ATP11A: variants seen among roughly 807,000 people sequenced by gnomAD.
The protein encoded by ATP11A is ATPase phospholipid transporting 11A, also known as phospholipid-transporting ATPase IH.
In ATP11A, 81 loss-of-function variants were observed where a neutral mutation model predicts 154.4. The observed-to-expected ratio is 0.52, with a 90% CI of 0.44 to 0.63. The LOEUF (loss-of-function observed/expected upper bound fraction) is 0.63, where lower values mean the gene tolerates loss of function less well. ATP11A is among the 30% of genes least tolerant of loss of function. ATP11A has a pLI of 0.00. For missense variants in ATP11A, 1,316 were observed against 1,474.3 expected (o/e 0.89, Z 1.76); for synonymous variants, 623 against 585.9 (o/e 1.06, Z -0.91).
intron 1 of ATP11A, among the ~76,000 whole-genome samples, chr13:112,701,187 C>T (rs930650433): frequency 6.6e-6 from 1 of 152,202 alleles, no homozygotes; most frequent in Non-Finnish European, 1.5e-5. Context: ...TTCTCCATGT[C>T]CCCTGCAACA....
chr13:112,734,786 G>GA (rs370642373), intron 1 of ATP11A, among the ~76,000 whole-genome samples: 2 of 152,190 alleles, frequency 1.3e-5, no homozygotes, highest in Non-Finnish European at 2.9e-5. Context: ...ACTTGGGGGG[G>GA]ATCACTATGG....
At chr13:112,734,824 C>T (rs1427523871) in intron 1 of ATP11A, among the ~76,000 whole-genome samples, 1 of 152,162 alleles carries the variant, frequency 6.6e-6, no homozygotes, top group East Asian at 1.9e-4. Context: ...GGTGCCTCCT[C>T]CTGAGGCAGC....
chr13:112,860,468 C>T (rs2140358575), intron 24 of ATP11A, 54 bp downstream of exon 24: 1 of 1,603,428 alleles, frequency 6.2e-7, no homozygotes, highest in Non-Finnish European at 8.5e-7. Flanking sequence ...CTAGGCAGCA[C>T]TCTGGCAGTT....
chr13:112,830,370 T>C (rs948026762), intron 12 of ATP11A, among the ~76,000 whole-genome samples: 2 of 152,116 alleles, frequency 1.3e-5, no homozygotes, highest in Non-Finnish European at 2.9e-5. Context: ...AGGTCAGGAT[T>C]TCAAGACCAG....
intron 4 of ATP11A, among the ~76,000 whole-genome samples, chr13:112,806,495 C>T (rs1188570923): frequency 6.6e-6 from 1 of 152,158 alleles, no homozygotes; most frequent in Non-Finnish European, 1.5e-5. Context: ...TAGTCTGGCA[C>T]CATGCGAGTT....
At position 112,881,002 on chromosome 13, in the gene ATP11A, C is replaced by A. The variant is rs371260924; in HGVS notation, c.*10-874C>A. The A allele has an allele frequency of 4.0e-6, 4 of 990,484 alleles. No individual in the cohort carries two copies. In the African/African-American group the frequency reaches 7.0e-5, roughly 17 times the overall value. The allele number at this position is 990,484 out of a possible 1,614,324, so 61.4% of individuals were successfully genotyped here. A position where few individuals can be genotyped will look rare whatever the true frequency, so the allele number is the denominator to read the frequency against. Reference sequence around the variant, plus strand: ...GGAAGGACCGTGCTTTGAAATCAAACGTGGTTATTGCATGGTTTGTGTGGA... The same window carrying A: ...GGAAGGACCGTGCTTTGAAATCAAAAGTGGTTATTGCATGGTTTGTGTGGA... On this transcript the variant is annotated intron_variant, in intron 29 of 29. Transcript: ENST00000375645.
intron 19 of ATP11A, among the ~76,000 whole-genome samples, chr13:112,854,779 C>A (rs538105117): frequency 2.0e-5 from 3 of 152,148 alleles, no homozygotes; most frequent in Non-Finnish European, 4.4e-5. Flanking sequence ...TTCACACTGC[C>A]GGCTAACAGA....
Position 112,845,742 on chromosome 13 carries a change from C to T in ATP11A, c.1809+3363C>T, listed in dbSNP as rs1032456008. ...AACCAGTCCAGTTACCAGGCACTAG[C>T]GGTACTAACCAGTCCAGTTGCCGGC... On this transcript the variant is annotated intron_variant, in intron 17 of 29. Coordinates refer to ENST00000375645, the MANE Select transcript of ATP11A (RefSeq NM_015205.3). 1.3e-4 allele frequency among the ~76,000 whole-genome samples: 15 copies of T among 119,768 alleles called. 1 individual carries two copies. Among genetic ancestry groups the T allele is most frequent in the African/African-American group, 4.9e-4 (12 of 24,728 alleles). The allele number at this position is 119,768 out of a possible 152,430, so 78.6% of individuals were successfully genotyped here.
chr13:112,793,993 A>G (rs1324017667), intron 2 of ATP11A, among the ~76,000 whole-genome samples: 1 of 152,242 alleles, frequency 6.6e-6, no homozygotes, highest in Non-Finnish European at 1.5e-5. Flanking sequence ...AATCAGAGCC[A>G]GGGCAGCTGT....
At chr13:112,852,557 G>A (rs190433740) in intron 18 of ATP11A, among the ~76,000 whole-genome samples, 64 of 152,310 alleles carry the variant, frequency 4.2e-4, no homozygotes, top group African/African-American at 1.2e-3. Context: ...TGGGGGCTGC[G>A]TCCTTGCTCT....
chr13:112,757,356 G>T (rs1020028703), intron 1 of ATP11A, among the ~76,000 whole-genome samples: 1 of 152,256 alleles, frequency 6.6e-6, no homozygotes, highest in Non-Finnish European at 1.5e-5. Flanking sequence ...GCTTTTTCTA[G>T]AAGGCAATGT....
intron 1 of ATP11A, among the ~76,000 whole-genome samples, chr13:112,764,906 G>A (rs931094790): frequency 3.3e-5 from 5 of 152,282 alleles, no homozygotes; most frequent in African/African-American, 7.2e-5. Flanking sequence ...AGCTCAGGGC[G>A]CTACCAGTCT....
chr13:112,823,012 C>T (rs903473331), intron 8 of ATP11A, among the ~76,000 whole-genome samples: 2 of 152,052 alleles, frequency 1.3e-5, no homozygotes, highest in Non-Finnish European at 1.5e-5. Flanking sequence ...CCTCAGGGAC[C>T]CCTGCTCTAG....
chr13:112,745,580 T>C (rs1187322962), intron 1 of ATP11A: 1 of 152,208 alleles, frequency 6.6e-6, no homozygotes, highest in African/African-American at 2.4e-5. Flanking sequence ...CAGAGACAGT[T>C]TCAAATTTTA....
chr13:112,837,545 A>G (rs1408650842), intron 16 of ATP11A, among the ~76,000 whole-genome samples: 4 of 152,180 alleles, frequency 2.6e-5, no homozygotes, highest in Non-Finnish European at 5.9e-5. Flanking sequence ...AGAGCCCTCC[A>G]CGCAGCGTCA....
chr13:112,853,472 C>T (rs903799402), intron 18 of ATP11A, among the ~76,000 whole-genome samples: 8 of 152,122 alleles, frequency 5.3e-5, no homozygotes, highest in African/African-American at 1.2e-4. Flanking sequence ...AAGCATGGCA[C>T]GTTACTTCAC....
At position 112,874,536 on chromosome 13, in the gene ATP11A, C is replaced by T. The variant is rs532313044; in HGVS notation, c.3161+860C>T. Among the ~76,000 whole-genome samples, 223 of 152,316 alleles carry T rather than the reference C, an allele frequency of 1.5e-3. 1 individual carries two copies. Among genetic ancestry groups the T allele is most frequent in the African/African-American group, 5.1e-3 (213 of 41,560 alleles). ...GGCCAGGTCCCAGTCTCAGCCCCAG[C>T]GCAGCAGCCTCTGCCACAGCCCTCT... On this transcript the variant is annotated intron_variant, in intron 27 of 29. Coordinates refer to ENST00000375645, the MANE Select transcript of ATP11A (RefSeq NM_015205.3).
At chr13:112,718,304 ATTTCT>A (rs1261434080) in intron 1 of ATP11A, among the ~76,000 whole-genome samples, 2 of 152,214 alleles carry the variant, frequency 1.3e-5, no homozygotes, top group African/African-American at 4.8e-5. Flanking sequence ...ACAATTTTAA[ATTTCT>A]TTTCAGGTGA....
At chr13:112,806,535 A>G (rs1594758897) in intron 4 of ATP11A, among the ~76,000 whole-genome samples, 1 of 152,322 alleles carries the variant, frequency 6.6e-6, no homozygotes, top group Middle Eastern at 3.4e-3. Flanking sequence ...TTCACATCCC[A>G]AATCACCCAG....
Sources: allele counts gnomAD v4.1 joint callset (sites outside exome capture counted in the v4.1 genomes callset), GRCh38; gene constraint gnomAD v4.1.1; transcripts MANE v1.5; gene names NCBI Gene and HGNC (gene_info 2026-07-23, HGNC 2026-07-21).